Variants in GLIS3 observed in about 807,000 individuals in gnomAD.
GLIS3 encodes zinc finger protein GLIS3.
A neutral mutation model predicts 78.6 loss-of-function variants in GLIS3; 53 were observed. The observed-to-expected ratio is 0.67, with a 90% CI of 0.54 to 0.85. The LOEUF is 0.85. GLIS3 is among the 40% of genes least tolerant of loss of function. The pLI, the probability that GLIS3 is intolerant of heterozygous loss-of-function variation, is 0.00. For synonymous variants in GLIS3, 684 were observed against 509.9 expected, an observed-to-expected ratio of 1.34 and a Z score of -4.60; for missense variants, 1,703 against 1,231.1, an observed-to-expected ratio of 1.38 and a Z score of -5.74.
intron 8 of GLIS3, among the ~76,000 whole-genome samples, chr9:3,861,832 G>A (rs560352785): frequency 3.9e-5 from 6 of 152,264 alleles, no homozygotes; most frequent in East Asian, 1.9e-4. Flanking sequence ...TAATGCATGC[G>A]GGGCTTAATA....
At chr9:3,832,251 C>T (rs1321822512) in intron 9 of GLIS3, among the ~76,000 whole-genome samples, 1 of 149,658 alleles carries the variant, frequency 6.7e-6, no homozygotes, top group Non-Finnish European at 1.5e-5. Context: ...TATATGTTTG[C>T]TAAATAAAAA....
chr9:4,345,269 C>G (rs1467830242), intron 2 of GLIS3, among the ~76,000 whole-genome samples: 1 of 152,204 alleles, frequency 6.6e-6, no homozygotes, highest in Non-Finnish European at 1.5e-5. Context: ...GTTTTCTCAC[C>G]TACGTCAGGC....
chr9:4,020,392 T>C (rs1223076388), intron 4 of GLIS3, among the ~76,000 whole-genome samples: 3 of 152,182 alleles, frequency 2.0e-5, no homozygotes. Flanking sequence ...CTGGCAGAGA[T>C]GTGGGTTGTC....
the GLIS3 span, among the ~76,000 whole-genome samples, chr9:4,461,879 G>T: frequency 1.9e-3 from 295 of 152,278 alleles, 1 homozygote; most frequent in African/African-American, 6.7e-3. Flanking sequence ...CGATTTCAGA[G>T]ATCCTTTGTT....
intron 4 of GLIS3, among the ~76,000 whole-genome samples, chr9:4,095,012 C>A (rs1933699209): frequency 1.3e-5 from 2 of 152,114 alleles, no homozygotes; most frequent in Admixed American, 1.3e-4. Context: ...TTCAAACATT[C>A]ATCATTTCTT....
intron 4 of GLIS3, among the ~76,000 whole-genome samples, chr9:3,968,855 A>C (rs548066990): frequency 4.6e-5 from 7 of 152,324 alleles, no homozygotes; most frequent in African/African-American, 1.7e-4. Flanking sequence ...ACATTTAGGG[A>C]GTTACTTCAT....
At chr9:4,365,699 C>T in the GLIS3 span, among the ~76,000 whole-genome samples, 3 of 152,364 alleles carry the variant, frequency 2.0e-5, no homozygotes, top group Non-Finnish European at 4.4e-5. Context: ...TGGATGACTA[C>T]TTGCTTGCAG....
At chr9:4,111,091 T>C (rs1831176122) in intron 4 of GLIS3, among the ~76,000 whole-genome samples, 1 of 152,192 alleles carries the variant, frequency 6.6e-6, no homozygotes, top group South Asian at 2.1e-4. Flanking sequence ...CATTTTAGAA[T>C]CTATATACAA....
chr9:4,184,253 C>T (rs989857566), intron 2 of GLIS3, among the ~76,000 whole-genome samples: 7 of 152,136 alleles, frequency 4.6e-5, no homozygotes, highest in African/African-American at 1.7e-4. Context: ...CTAAATCTAA[C>T]CTAAATTCAA....
chr9:3,933,288 G>A (rs1825724557), intron 5 of GLIS3, among the ~76,000 whole-genome samples: 1 of 152,030 alleles, frequency 6.6e-6, no homozygotes, highest in Admixed American at 6.6e-5. Context: ...TGATTCCCCT[G>A]CCTCAGCTTC....
intron 4 of GLIS3, among the ~76,000 whole-genome samples, chr9:4,042,960 A>C (rs1253735325): frequency 6.6e-6 from 1 of 152,048 alleles, no homozygotes; most frequent in Non-Finnish European, 1.5e-5. Flanking sequence ...GAAAAAAAAA[A>C]AAAAAGGTAC....
At chr9:4,455,780 T>G in the GLIS3 span, among the ~76,000 whole-genome samples, 1 of 152,154 alleles carries the variant, frequency 6.6e-6, no homozygotes, top group South Asian at 2.1e-4. Context: ...TGCAATAAAG[T>G]GATTCACATG....
At chr9:4,067,821 T>C (rs914892630) in intron 4 of GLIS3, among the ~76,000 whole-genome samples, 4 of 150,744 alleles carry the variant, frequency 2.7e-5, no homozygotes, top group African/African-American at 7.3e-5. Flanking sequence ...AAATATATGG[T>C]TACCAGCAAA....
chr9:3,840,620 C>G (rs567722158), intron 9 of GLIS3, among the ~76,000 whole-genome samples: 2 of 152,162 alleles, frequency 1.3e-5, no homozygotes, highest in East Asian at 1.9e-4. Context: ...CCTGAAAATT[C>G]CATTGAGGCA....
At chr9:4,459,901 A>T in the GLIS3 span, among the ~76,000 whole-genome samples, 1 of 152,264 alleles carries the variant, frequency 6.6e-6, no homozygotes, top group Non-Finnish European at 1.5e-5. Context: ...AGAAAAATGA[A>T]GCCTGGGAAC....
the GLIS3 span, among the ~76,000 whole-genome samples, chr9:4,457,168 G>A: frequency 2.0e-5 from 3 of 151,952 alleles, no homozygotes; most frequent in Non-Finnish European, 2.9e-5. Flanking sequence ...TTTGAGACCA[G>A]CTGAGGCAAT....
At chr9:3,950,412 A>G (rs1411102172) in intron 4 of GLIS3, among the ~76,000 whole-genome samples, 1 of 152,094 alleles carries the variant, frequency 6.6e-6, no homozygotes, top group Non-Finnish European at 1.5e-5. Context: ...TGGCTCATAC[A>G]TCTTGCTTGA....
chr9:3,889,349 C>A (rs560540688), intron 7 of GLIS3, among the ~76,000 whole-genome samples: 6 of 152,260 alleles, frequency 3.9e-5, no homozygotes, highest in Admixed American at 6.5e-5. Context: ...CATAGAGTGC[C>A]CTGGGAGACC....
At chr9:4,271,170 A>C (rs1178315037) in intron 2 of GLIS3, among the ~76,000 whole-genome samples, 1 of 152,162 alleles carries the variant, frequency 6.6e-6, no homozygotes, top group Admixed American at 6.5e-5. Context: ...AATTAGGAAA[A>C]ATATAGAAAC....
Sources: allele counts gnomAD v4.1 joint callset (sites outside exome capture counted in the v4.1 genomes callset), GRCh38; gene constraint gnomAD v4.1.1; transcripts MANE v1.5; gene names NCBI Gene and HGNC (gene_info 2026-07-23, HGNC 2026-07-21).